Variants in PAMR1 observed in about 807,000 individuals in gnomAD.
PAMR1 encodes peptidase domain containing associated with muscle regeneration 1.
In PAMR1, 88 loss-of-function variants were observed where a neutral mutation model predicts 81.8. The ratio of observed to expected loss-of-function variants is 1.08; its 90% CI spans 0.91 to 1.28. The LOEUF (loss-of-function observed/expected upper bound fraction) is 1.28. Among genes scored for constraint, PAMR1 ranks in the 50% most tolerant of loss-of-function variants. The pLI is 0.00. For missense variants in PAMR1, 935 were observed against 919.7 expected (o/e 1.02, Z -0.21); for synonymous variants, 336 against 345.3 (o/e 0.97, Z 0.30).
At chr11:35,482,727 A>T (rs550037181) in intron 3 of PAMR1, among the ~76,000 whole-genome samples, 10 of 152,108 alleles carry the variant, frequency 6.6e-5, no homozygotes, top group Non-Finnish European at 1.0e-4. Context: ...AGTGGTTTGT[A>T]GTTCTCTTTA....
chr11:35,494,637 G>A (rs965144014), intron 1 of PAMR1, among the ~76,000 whole-genome samples: 1 of 152,116 alleles, frequency 6.6e-6, no homozygotes, highest in Non-Finnish European at 1.5e-5. Flanking sequence ...CCGGCCCAGG[G>A]AGTGGTAAGA....
At chr11:35,452,677 TG>T (rs1565332013) in intron 6 of PAMR1, among the ~76,000 whole-genome samples, 2 of 152,202 alleles carry the variant, frequency 1.3e-5, no homozygotes, top group African/African-American at 4.8e-5. Flanking sequence ...TGTAAAATTT[TG>T]TTATTATTTT....
chr11:35,460,467 C>G (rs1197720097), intron 6 of PAMR1, among the ~76,000 whole-genome samples: 1 of 152,102 alleles, frequency 6.6e-6, no homozygotes, highest in African/African-American at 2.4e-5. Flanking sequence ...TAATGCTTTC[C>G]CTCCCTACTC....
At chr11:35,530,086 G>A (rs1390020259), upstream of PAMR1, 1 of 152,214 alleles carries the variant, frequency 6.6e-6, no homozygotes, top group African/African-American at 2.4e-5. Flanking sequence ...AAAGCCAGAG[G>A]AAACAGGCCA....
intron 2 of PAMR1, among the ~76,000 whole-genome samples, chr11:35,493,567 G>C (rs1035207365): frequency 2.0e-5 from 3 of 152,006 alleles, no homozygotes; most frequent in Non-Finnish European, 4.4e-5. Flanking sequence ...TATCCTCTGT[G>C]GCTTGACTTC....
chr11:35,465,696 C>T (rs771545350), intron 6 of PAMR1, among the ~76,000 whole-genome samples: 5 of 152,180 alleles, frequency 3.3e-5, no homozygotes, highest in Admixed American at 1.3e-4. Context: ...AATGACATAT[C>T]GGATATCCAC....
In PAMR1 at chr11:35,492,078, A is replaced by C; in HGVS notation, c.346T>G (p.Cys116Gly). 1 of 1,613,976 alleles carries C rather than the reference A, an allele frequency of 6.2e-7. No homozygotes were observed. The highest frequency in any genetic ancestry group is 8.5e-7 in the Non-Finnish European group (1 of 1,179,948). The change falls in exon 3 of 11, where the codon TGC (cysteine) becomes GGC (glycine). Residue 116 changes from cysteine to glycine, a missense_variant. Transcript: ENST00000619888. ...FYVKGFYCAECRAGWYGGDCM... is the reference protein window; with the variant it reads ...FYVKGFYCAEGRAGWYGGDCM... ...TCTCCTCCGTACCAGCCTGCTCGGC[A>C]CTCTGCACAGTAGAACCCCTTCACA...
At chr11:35,486,794 CA>C (rs1420797689) in intron 3 of PAMR1, among the ~76,000 whole-genome samples, 1 of 152,194 alleles carries the variant, frequency 6.6e-6, no homozygotes, top group Non-Finnish European at 1.5e-5. Flanking sequence ...TGACTTCTTG[CA>C]TGCAAATATT....
chr11:35,474,721 G>C lies in PAMR1; in HGVS notation c.403C>G (p.Pro135Ala). ...CTTTCCAACAAAATCTGACCCTTTGGGGCTCGCAGAACCTGGCCACATCCT... is the reference window on the plus strand; with the variant it reads ...CTTTCCAACAAAATCTGACCCTTTGCGGCTCGCAGAACCTGGCCACATCCT... ...CMRCGQVLRA[P>A]KGQILLESYP... The change falls in exon 4 of 11, where the codon CCA becomes GCA. Residue 135 changes from proline (P) to alanine (A), a missense_variant. Physicochemically the swap from Pro to Ala is conservative, Grantham distance 27. Coordinates refer to ENST00000619888, the MANE Select transcript of PAMR1 (RefSeq NM_001001991.3). 1 of 1,610,630 alleles carries C rather than the reference G, an allele frequency of 6.2e-7. No homozygotes were observed. The highest frequency in any genetic ancestry group is 8.5e-7 in the Non-Finnish European group (1 of 1,178,566).
chr11:35,453,201 C>T (rs1195863142), intron 6 of PAMR1, among the ~76,000 whole-genome samples: 1 of 152,194 alleles, frequency 6.6e-6, no homozygotes, highest in East Asian at 1.9e-4. Context: ...CCTTTGTTCA[C>T]AAAGCACCCA....
intron 3 of PAMR1, among the ~76,000 whole-genome samples, chr11:35,481,122 TG>T (rs1043075876): frequency 6.6e-6 from 1 of 152,250 alleles, no homozygotes; most frequent in African/African-American, 2.4e-5. Context: ...GCATTTGGGT[TG>T]GTTCCATGTC....
At chr11:35,505,450 A>C (rs1850931958) in intron 1 of PAMR1, among the ~76,000 whole-genome samples, 1 of 152,040 alleles carries the variant, frequency 6.6e-6, no homozygotes, top group African/African-American at 2.4e-5. Flanking sequence ...GAAGTCCCCT[A>C]CTGTTATTGT....
At chr11:35,469,370 C>A (rs1169938624) in intron 5 of PAMR1, among the ~76,000 whole-genome samples, 1 of 152,216 alleles carries the variant, frequency 6.6e-6, no homozygotes, top group African/African-American at 2.4e-5. Flanking sequence ...GACCGTCCCT[C>A]AGTCCCAGAT....
intron 5 of PAMR1, among the ~76,000 whole-genome samples, chr11:35,469,368 C>T (rs1433400197): frequency 2.6e-5 from 4 of 152,228 alleles, no homozygotes; most frequent in Non-Finnish European, 5.9e-5. Flanking sequence ...CTGACCGTCC[C>T]TCAGTCCCAG....
intron 1 of PAMR1, among the ~76,000 whole-genome samples, chr11:35,512,877 A>C (rs537559168): frequency 4.6e-5 from 7 of 152,240 alleles, no homozygotes; most frequent in African/African-American, 1.7e-4. Context: ...TGTAGTCCCA[A>C]CTACTCAGGA....
intron 7 of PAMR1, among the ~76,000 whole-genome samples, chr11:35,441,133 G>T (rs554784544): frequency 1.3e-5 from 2 of 152,252 alleles, no homozygotes; most frequent in African/African-American, 4.8e-5. Flanking sequence ...TGCATAGAAA[G>T]TAGATAAGTG....
At chr11:35,519,128 A>C (rs897813992) in intron 1 of PAMR1, among the ~76,000 whole-genome samples, 8 of 152,204 alleles carry the variant, frequency 5.3e-5, no homozygotes, top group African/African-American at 1.7e-4. Flanking sequence ...AGTAGTCTTC[A>C]TAGCTGCTCA....
intron 6 of PAMR1, chr11:35,451,922 C>T (rs1291541471): frequency 3.3e-5 from 23 of 699,914 alleles, no homozygotes; most frequent in Admixed American, 2.7e-4. Flanking sequence ...TGATCTTGGA[C>T]TTCCCAGCCT....
chr11:35,457,072 A>T (rs571873949), intron 6 of PAMR1, among the ~76,000 whole-genome samples: 1 of 152,288 alleles, frequency 6.6e-6, no homozygotes, highest in South Asian at 2.1e-4. Context: ...TGTGGTACTT[A>T]ATTTTATGTG....
Sources: gnomAD v4.1 joint callset for allele counts (sites outside exome capture counted in the v4.1 genomes callset) on GRCh38, gnomAD v4.1.1 for gene constraint, MANE v1.5 for transcripts, NCBI Gene and HGNC (gene_info 2026-07-23, HGNC 2026-07-21) for gene names.